JMJD1C: variants seen among roughly 807,000 people sequenced by gnomAD.
JMJD1C encodes the protein jumonji domain-containing protein 1C.
JMJD1C carries 31 observed loss-of-function variants against 245.3 expected under a neutral mutation model. The observed-to-expected ratio is 0.13, with a 90% confidence interval of 0.09 to 0.17. JMJD1C has a LOEUF of 0.17. Ranked by LOEUF, JMJD1C falls within the 10% of genes least tolerant of loss-of-function variation. The pLI is 1.00. For synonymous variants in JMJD1C, 1,057 were observed against 1,017.4 expected (o/e 1.04, Z -0.74); for missense variants, 2,691 against 3,000.2 (o/e 0.90, Z 2.41).
chr10:63,392,094 A>G (rs1260662130), intron 1 of JMJD1C, among the ~76,000 whole-genome samples: 1 of 152,234 alleles, frequency 6.6e-6, no homozygotes, highest in Non-Finnish European at 1.5e-5. Flanking sequence ...TTTTTCACTA[A>G]GGTTCCAAGA....
intron 2 of JMJD1C, among the ~76,000 whole-genome samples, chr10:63,336,436 C>T (rs768131969): frequency 2.6e-5 from 4 of 152,082 alleles, no homozygotes; most frequent in Non-Finnish European, 4.4e-5. Context: ...CCAGCCTGGG[C>T]GACAGAGCAA....
At chr10:63,266,378 C>T (rs555968396) in intron 2 of JMJD1C, among the ~76,000 whole-genome samples, 2 of 147,546 alleles carry the variant, frequency 1.4e-5, no homozygotes, top group African/African-American at 4.9e-5. Context: ...TACATAAAAT[C>T]CTATAGGATT....
chr10:63,234,499 A>AAAAAC (rs1202820242), intron 3 of JMJD1C, among the ~76,000 whole-genome samples: 3 of 134,760 alleles, frequency 2.2e-5, no homozygotes, highest in African/African-American at 3.5e-5. Flanking sequence ...CTCTTAAAAA[A>AAAAAC]AAAAAAAAAA....
chr10:63,308,296 A>G (rs1372500275), intron 2 of JMJD1C, among the ~76,000 whole-genome samples: 1 of 152,212 alleles, frequency 6.6e-6, no homozygotes, highest in Non-Finnish European at 1.5e-5. Context: ...TTCCCTGAGG[A>G]AAGTAACCAG....
At chr10:63,295,493 G>C (rs1480480946) in intron 2 of JMJD1C, among the ~76,000 whole-genome samples, 1 of 152,060 alleles carries the variant, frequency 6.6e-6, no homozygotes, top group Non-Finnish European at 1.5e-5. Flanking sequence ...GTCTTCATTG[G>C]CTGCTTTCTT....
intron 1 of JMJD1C, among the ~76,000 whole-genome samples, chr10:63,520,463 A>G (rs1182109594): frequency 2.0e-5 from 3 of 152,004 alleles, no homozygotes; most frequent in Admixed American, 1.3e-4. Context: ...AAAAATAAAA[A>G]TATCTAAACT....
chr10:63,507,523 G>C (rs1460037892), intron 1 of JMJD1C, among the ~76,000 whole-genome samples: 1 of 151,170 alleles, frequency 6.6e-6, no homozygotes, highest in Non-Finnish European at 1.5e-5. Context: ...CAGATGCCTG[G>C]AATCCTAGCT....
At chr10:63,365,324 TTTTAG>T (rs2134390955) in intron 2 of JMJD1C, among the ~76,000 whole-genome samples, 1 of 152,352 alleles carries the variant, frequency 6.6e-6, no homozygotes, top group African/African-American at 2.4e-5. Flanking sequence ...AACACAAAAA[TTTTAG>T]TTTATTCTCA....
chr10:63,281,154 G>A (rs1857339638), intron 2 of JMJD1C, among the ~76,000 whole-genome samples: 1 of 113,512 alleles, frequency 8.8e-6, no homozygotes, highest in African/African-American at 3.6e-5. Context: ...TTTTTGAGAT[G>A]GAGTCTCGCT....
intron 10 of JMJD1C, chr10:63,204,913 C>G: frequency 6.1e-6 from 6 of 985,464 alleles, no homozygotes; most frequent in Non-Finnish European, 7.2e-6. Context: ...AGCCTTCAAG[C>G]ATCCAAGTGC....
At chr10:63,201,086 G>A (rs555451894) in intron 10 of JMJD1C, among the ~76,000 whole-genome samples, 4 of 152,150 alleles carry the variant, frequency 2.6e-5, no homozygotes, top group South Asian at 2.1e-4. Context: ...TCCACAGCAA[G>A]AACGTAAAGA....
chr10:63,399,459 G>A (rs1053113626), intron 1 of JMJD1C, among the ~76,000 whole-genome samples: 1 of 152,100 alleles, frequency 6.6e-6, no homozygotes. Flanking sequence ...ACAGTGGTCA[G>A]AATTAGTATA....
intron 1 of JMJD1C, among the ~76,000 whole-genome samples, chr10:63,453,536 G>C (rs1952204359): frequency 6.6e-6 from 1 of 152,082 alleles, no homozygotes; most frequent in African/African-American, 2.4e-5. Flanking sequence ...TATATTACTG[G>C]AGAAAAAGTG....
chr10:63,315,029 G>A (rs958424045), intron 2 of JMJD1C, among the ~76,000 whole-genome samples: 3 of 146,714 alleles, frequency 2.0e-5, no homozygotes, highest in Non-Finnish European at 3.0e-5. Context: ...TCTTGGCTCA[G>A]TGCAACCTCC....
intron 2 of JMJD1C, among the ~76,000 whole-genome samples, chr10:63,354,516 T>A (rs1318870300): frequency 6.6e-6 from 1 of 152,112 alleles, no homozygotes; most frequent in Non-Finnish European, 1.5e-5. Context: ...TATCCTTTTT[T>A]ATTTATTACA....
chr10:63,418,770 C>T (rs1432832064), intron 1 of JMJD1C, among the ~76,000 whole-genome samples: 1 of 152,074 alleles, frequency 6.6e-6, no homozygotes, highest in Non-Finnish European at 1.5e-5. Context: ...ATCAAACATT[C>T]CCATGACCAT....
chr10:63,278,940 T>C (rs1284241752), intron 2 of JMJD1C, among the ~76,000 whole-genome samples: 6 of 152,068 alleles, frequency 3.9e-5, no homozygotes, highest in African/African-American at 7.2e-5. Flanking sequence ...CTATCTCTAT[T>C]TTCAAATTAA....
At chr10:63,346,740 T>C (rs1171045269) in intron 2 of JMJD1C, among the ~76,000 whole-genome samples, 1 of 152,190 alleles carries the variant, frequency 6.6e-6, no homozygotes, top group Non-Finnish European at 1.5e-5. Context: ...AGTTAAATTG[T>C]AAAATTTGTC....
intron 21 of JMJD1C, 106 bp from the exon 22 acceptor site, chr10:63,183,675 TGA>T (rs1309172728): frequency 8.0e-6 from 5 of 622,786 alleles, no homozygotes; most frequent in Non-Finnish European, 7.5e-6. Flanking sequence ...AATTGTAATT[TGA>T]GTTTTAGTTT....
Sources: allele counts gnomAD v4.1 joint callset (sites outside exome capture counted in the v4.1 genomes callset), GRCh38; gene constraint gnomAD v4.1.1; transcripts MANE v1.5; gene names NCBI Gene and HGNC (gene_info 2026-07-23, HGNC 2026-07-21).